PNCK: variants seen among roughly 807,000 people sequenced by gnomAD.
PNCK encodes calcium/calmodulin-dependent protein kinase type 1B.
Under a neutral mutation model 28.3 loss-of-function variants are expected in PNCK, and 21 were observed. The observed-to-expected ratio is 0.74, with a 90% CI of 0.53 to 1.07. The LOEUF is 1.07. Ranked by LOEUF, PNCK falls within the 50% of genes least tolerant of loss-of-function variation. The pLI is 0.00. For missense variants in PNCK, 250 were observed against 298.3 expected (o/e 0.84, Z 1.19); for synonymous variants, 136 against 125.2 (o/e 1.09, Z -0.58).
At chrX:153,678,679 T>C (rs1041923990), upstream of PNCK, among the ~76,000 whole-genome samples, 1 of 111,019 alleles carries the variant, frequency 9.0e-6, no homozygotes, top group Non-Finnish European at 1.9e-5. Context: ...CTGTCTGCTG[T>C]AAAGTTCTAT....
chrX:153,672,545 A>T (rs782252852), intron 3 of PNCK, 21 bp downstream of exon 3: 1 of 1,199,584 alleles, frequency 8.3e-7, no homozygotes, highest in South Asian at 1.8e-5. Context: ...GCCCCGTCCC[A>T]GGGCCCCGCG....
At chrX:153,672,364 G>T in intron 3 of PNCK, 164 bp from the exon 4 acceptor site, 1 of 831,405 alleles carries the variant, frequency 1.2e-6, no homozygotes, top group Non-Finnish European at 1.7e-6. Flanking sequence ...TCCAGCCTGA[G>T]CCCCGGCCTT....
At chrX:153,677,665 ATATATATAGTGTG>A (rs1209268142), upstream of PNCK, among the ~76,000 whole-genome samples, 6 of 82,095 alleles carry the variant, frequency 7.3e-5, no homozygotes, top group Admixed American at 2.4e-4. Flanking sequence ...TAGTGTGTAT[ATATATATAGTGTG>A]TATATATAGT....
chrX:153,677,602 T>TGTGTATATATATA (rs1325778485), upstream of PNCK, among the ~76,000 whole-genome samples: 20 of 100,657 alleles, frequency 2.0e-4, no homozygotes, highest in Non-Finnish European at 3.0e-4. Flanking sequence ...ATATATATAG[T>TGTGTATATATATA]GTGTATATAT....
At position 153,672,125 on chromosome X, in the gene PNCK, C is replaced by A; in HGVS notation, c.275+1G>T. On this transcript the variant is annotated splice_donor_variant, in intron 4 of 11. Coordinates refer to ENST00000340888, the MANE Select transcript of PNCK (RefSeq NM_001366977.1). LOFTEE classifies it high-confidence loss of function. ...CCACAGCCTGCCCAGGCCCTCCTCA[C>A]AGTTCCATGGCCAGGTAGAGGTGGG... 8.3e-7 allele frequency: 1 copy of A among 1,202,886 alleles called. No homozygotes were observed. Among genetic ancestry groups the A allele is most frequent in the Non-Finnish European group, 1.1e-6 (1 of 890,474 alleles).
chrX:153,682,397 C>T (rs1389436969), intron 1 of PNCK, among the ~76,000 whole-genome samples: 1 of 111,804 alleles, frequency 8.9e-6, no homozygotes, highest in Non-Finnish European at 1.9e-5. Flanking sequence ...CCTCTTGCCT[C>T]AGCCTCCCCA....
chrX:153,673,830 C>T (rs1248852619), upstream of PNCK: 4 of 750,835 alleles, frequency 5.3e-6, no homozygotes, highest in Admixed American at 1.8e-4. Context: ...AGCGCCAAGC[C>T]CCCCGCCCGC....
chrX:153,684,624 G>A (rs936985255), intron 1 of PNCK, among the ~76,000 whole-genome samples: 3 of 110,841 alleles, frequency 2.7e-5, no homozygotes, highest in Non-Finnish European at 3.8e-5. Context: ...CATTGTGCCC[G>A]GCTCGCCTTC....
chrX:153,673,173 C>T, intron 1 of PNCK, 95 bp from the exon 2 acceptor site: 1 of 1,181,667 alleles, frequency 8.5e-7, no homozygotes, highest in Non-Finnish European at 1.1e-6. Flanking sequence ...CAGGCCTCAG[C>T]CATTGCCGCT....
At chrX:153,672,289 T>A in intron 3 of PNCK, 89 bp from the exon 4 acceptor site, 1 of 963,005 alleles carries the variant, frequency 1.0e-6, no homozygotes, top group African/African-American at 1.9e-5. Context: ...CCTCTTCTCT[T>A]CCTCCCACCT....
chrX:153,677,618 G>GTA (rs1197328809), upstream of PNCK, among the ~76,000 whole-genome samples: 5 of 82,860 alleles, frequency 6.0e-5, 1 homozygote, highest in South Asian at 1.7e-3. Context: ...TATATATAGT[G>GTA]TATATATATA....
upstream of PNCK, chrX:153,674,715 T>A (rs1212764003): frequency 3.6e-5 from 4 of 111,273 alleles, no homozygotes; most frequent in African/African-American, 1.3e-4. Context: ...GCCCAGGAAA[T>A]AAGTGCGGGT....
chrX:153,671,691 G>A lies in PNCK; in HGVS notation c.415-19C>T, dbSNP rs782550161. 23 of 1,177,310 alleles carry A rather than the reference G, an allele frequency of 2.0e-5. No individual in the cohort carries two copies. Among genetic ancestry groups the A allele is most frequent in the Non-Finnish European group, 1.9e-5 (17 of 877,224 alleles). Reference sequence around the variant, plus strand: ...TTTCGGGCTGTGACACACGGACACCGGGAAAAGGGCCAGTCAGTCCTGACG... The same window carrying A: ...TTTCGGGCTGTGACACACGGACACCAGGAAAAGGGCCAGTCAGTCCTGACG... On this transcript the variant is annotated intron_variant, in intron 5 of 11. Transcript: ENST00000340888.
upstream of PNCK, chrX:153,674,107 C>G (rs2091349524): frequency 8.3e-7 from 1 of 1,210,660 alleles, no homozygotes; most frequent in Non-Finnish European, 1.1e-6. Context: ...TCTCTGCCTT[C>G]CAGTCTCTGC....
chrX:153,685,613 G>A (rs945379869), intron 1 of PNCK, among the ~76,000 whole-genome samples: 9 of 112,737 alleles, frequency 8.0e-5, no homozygotes, highest in African/African-American at 1.9e-4. Flanking sequence ...TGGGCCCCGC[G>A]TGGAGGGAAA....
chrX:153,679,566 C>CTTT (rs1211891003), upstream of PNCK, among the ~76,000 whole-genome samples: 27 of 46,077 alleles, frequency 5.9e-4, no homozygotes, highest in Admixed American at 7.7e-4. Context: ...CTTTTCTTTT[C>CTTT]TTTTTTTTTT....
Position 153,671,866 on chromosome X carries a change from C to T in PNCK, c.414+14G>A. 2 of 1,205,544 alleles carry T rather than the reference C, an allele frequency of 1.7e-6. No homozygotes were observed. Among genetic ancestry groups the T allele is most frequent in the South Asian group, 3.6e-5 (2 of 56,287 alleles). ...CAGGTGGGAGGGTGGGGTGCAGAGG[C>T]CCCAGCCAGGCACCTTGAGGTCCCG... is the stretch of plus-strand genomic sequence containing the variant. On this transcript the variant is annotated intron_variant, in intron 5 of 11. Transcript: ENST00000340888.
intron 1 of PNCK, 109 bp from the exon 2 acceptor site, chrX:153,673,187 C>G (rs782499079): frequency 2.5e-6 from 3 of 1,179,926 alleles, no homozygotes; most frequent in Non-Finnish European, 3.4e-6. Flanking sequence ...TGCCGCTGCG[C>G]GCTCGACCCT....
intron 6 of PNCK, 84 bp downstream of exon 6, chrX:153,671,465 G>C: frequency 3.3e-6 from 4 of 1,211,217 alleles, no homozygotes; most frequent in Non-Finnish European, 4.5e-6. Context: ...CCACACAAAG[G>C]CAACGGGCAC....
Sources: gnomAD v4.1 joint callset for allele counts (sites outside exome capture counted in the v4.1 genomes callset) on GRCh38, gnomAD v4.1.1 for gene constraint, MANE v1.5 for transcripts, NCBI Gene and HGNC (gene_info 2026-07-23, HGNC 2026-07-21) for gene names.